Variants in MIEF1 observed in about 807,000 individuals in gnomAD.
The protein encoded by MIEF1 is mitochondrial elongation factor 1.
MIEF1 carries 14 observed loss-of-function variants against 35.1 expected under a neutral mutation model. The observed-to-expected ratio is 0.40, with a 90% confidence interval of 0.26 to 0.62. The LOEUF is 0.62. Among genes scored for constraint, MIEF1 ranks in the 20% least tolerant of loss-of-function variants. The pLI, the probability that MIEF1 is intolerant of heterozygous loss-of-function variation, is 0.43. For synonymous variants in MIEF1, 245 were observed against 254.3 expected (o/e 0.96, Z 0.35); for missense variants, 542 against 615.4 (o/e 0.88, Z 1.26).
intron 2 of MIEF1, among the ~76,000 whole-genome samples, chr22:39,507,395 G>A (rs1235096488): frequency 2.6e-5 from 4 of 151,828 alleles, no homozygotes; most frequent in African/African-American, 7.2e-5. Context: ...ACAGGCGCCT[G>A]CCACCACACC....
intron 1 of MIEF1, chr22:39,502,972 G>A (rs1471043015): frequency 2.6e-5 from 4 of 152,146 alleles, no homozygotes; most frequent in African/African-American, 9.7e-5. Flanking sequence ...TTTTTTTCCA[G>A]CCAAATACTT....
chr22:39,504,426 T>C lies in MIEF1; in HGVS notation c.-116T>C, dbSNP rs1344753149. ...GGGCCTGGTCTTTCTCAACGGCAAA[T>C]TGGGGAGGATCATTTAGGATCCTCC... is the stretch of plus-strand genomic sequence containing the variant. On this transcript the variant is annotated 5_prime_UTR_variant, in exon 2 of 6. Coordinates refer to ENST00000325301, the MANE Select transcript of MIEF1 (RefSeq NM_019008.6). 7.5e-6 allele frequency: 3 copies of C among 398,776 alleles called. No homozygotes were observed. The Admixed American group carries it at 1.3e-4, about 18-fold the overall frequency. 24.7% of individuals were successfully genotyped at this position (398,776 alleles called of 1,614,324 possible). A position where few individuals can be genotyped will look rare whatever the true frequency, so the allele number is the denominator to read the frequency against.
chr22:39,502,710 A>G (rs549003544), intron 1 of MIEF1, among the ~76,000 whole-genome samples: 69 of 152,364 alleles, frequency 4.5e-4, no homozygotes, highest in Non-Finnish European at 1.0e-4. Flanking sequence ...ACGGTTGGTG[A>G]AGTGCAGACT....
At chr22:39,505,996 A>G (rs556619737) in intron 2 of MIEF1, among the ~76,000 whole-genome samples, 24 of 152,314 alleles carry the variant, frequency 1.6e-4, no homozygotes, top group Non-Finnish European at 2.6e-4. Flanking sequence ...GGATTGGCAT[A>G]TCTGCCTTTG....
intron 2 of MIEF1, among the ~76,000 whole-genome samples, chr22:39,505,370 T>A (rs754922398): frequency 5.3e-5 from 8 of 152,316 alleles, no homozygotes; most frequent in Admixed American, 3.3e-4. Flanking sequence ...TTATTTATTT[T>A]TTTTGTAGAG....
chr22:39,501,948 CCCAG>C (rs1265300381), upstream of MIEF1: 1 of 152,442 alleles, frequency 6.6e-6, no homozygotes, highest in Non-Finnish European at 1.5e-5. Context: ...ACCCCAGGGC[CCCAG>C]CCAGAGATCA....
intron 1 of MIEF1, 105 bp from the exon 2 acceptor site, chr22:39,504,098 G>C (rs962902606): frequency 2.5e-6 from 1 of 395,844 alleles, no homozygotes; most frequent in Admixed American, 4.4e-5. Flanking sequence ...GACCTGGAGC[G>C]GGGGGTCTCT....
upstream of MIEF1, chr22:39,500,339 G>C (rs1247555589): frequency 6.6e-6 from 1 of 152,022 alleles, no homozygotes; most frequent in Non-Finnish European, 1.5e-5. Flanking sequence ...GAGAGGCCTT[G>C]TCAGTCTAAG....
In MIEF1 at chr22:39,515,492, G is replaced by T; in HGVS notation, c.*1169G>T. On this transcript the variant is annotated 3_prime_UTR_variant, in exon 6 of 6. Transcript: ENST00000325301. ...CCGGGCACGGCCAGAGGGCAAGTGAGCATGCACGGACCTCTTCCCCCTGTC... is the reference window on the plus strand; with the variant it reads ...CCGGGCACGGCCAGAGGGCAAGTGATCATGCACGGACCTCTTCCCCCTGTC... The T allele has an allele frequency of 1.6e-6, 1 of 633,578 alleles. No homozygotes were observed. Among genetic ancestry groups the T allele is most frequent in the South Asian group, 1.9e-5 (1 of 53,646 alleles). The allele number at this position is 633,578 out of a possible 1,614,324, so 39.2% of individuals were successfully genotyped here. A position where few individuals can be genotyped will look rare whatever the true frequency, so the allele number is the denominator to read the frequency against.
At chr22:39,501,075 G>A (rs920662480), upstream of MIEF1, among the ~76,000 whole-genome samples, 1 of 152,112 alleles carries the variant, frequency 6.6e-6, no homozygotes, top group African/African-American at 2.4e-5. Flanking sequence ...AGATCCCATT[G>A]AAAGGGAAGT....
chr22:39,507,526 T>G (rs1187652904), intron 2 of MIEF1, among the ~76,000 whole-genome samples: 2 of 148,266 alleles, frequency 1.3e-5, no homozygotes, highest in African/African-American at 4.9e-5. Context: ...ATTACAGGCG[T>G]GAGCCACCGT....
chr22:39,507,695 C>T (rs1452843392), intron 2 of MIEF1, among the ~76,000 whole-genome samples: 1 of 151,672 alleles, frequency 6.6e-6, no homozygotes, highest in East Asian at 2.0e-4. Context: ...GAAACCCTGT[C>T]TCTACTGAAA....
In MIEF1 at chr22:39,504,674, A is replaced by G. The variant is rs560887050; in HGVS notation, c.-8+140A>G. Reference sequence around the variant, plus strand: ...TGTGCACCTATAGTCCCAACTCTGCAGGAGGCTGAGGCAGGAGGATGGCTT... The same window carrying G: ...TGTGCACCTATAGTCCCAACTCTGCGGGAGGCTGAGGCAGGAGGATGGCTT... On this transcript the variant is annotated intron_variant, in intron 2 of 5. Transcript: ENST00000325301. 4 of 319,420 alleles carry G rather than the reference A, an allele frequency of 1.3e-5. No homozygotes were observed. The South Asian group carries it at 6.3e-4, about 50-fold the overall frequency. 19.8% of individuals were successfully genotyped at this position (319,420 alleles called of 1,614,324 possible). A position where few individuals can be genotyped will look rare whatever the true frequency, so the allele number is the denominator to read the frequency against.
chr22:39,511,262 T>C (rs368838536), intron 2 of MIEF1, 26 bp from the exon 3 acceptor site: 69 of 1,613,192 alleles, frequency 4.3e-5, no homozygotes, highest in Non-Finnish European at 5.6e-5. Context: ...CCAGTACTTA[T>C]GGCCGTGTTC....
At position 39,511,935 on chromosome 22, in the gene MIEF1, G is replaced by C. The variant is rs1457096054; in HGVS notation, c.231G>C (p.Met77Ile). The stretch of plus-strand genomic sequence containing the variant: ...GGAGCTGGGAAGAACCCAACTGGAT[G>C]GGCTCCCCACGACTGCTGAACAGGG... ...GKRSWEEPNW[M>I]GSPRLLNRDM... Residue 77 changes from methionine to isoleucine, a missense_variant, in exon 4 of 6, where the codon ATG becomes ATC. By Grantham distance (10) the Met-to-Ile change is conservative. Coordinates refer to ENST00000325301, the MANE Select transcript of MIEF1 (RefSeq NM_019008.6). 1 of 1,614,238 alleles carries C rather than the reference G, an allele frequency of 6.2e-7. No individual in the cohort carries two copies. Among genetic ancestry groups the C allele is most frequent in the Admixed American group, 1.7e-5 (1 of 60,036 alleles).
intron 2 of MIEF1, among the ~76,000 whole-genome samples, chr22:39,507,230 A>G (rs879159590): frequency 6.6e-6 from 1 of 152,000 alleles, no homozygotes; most frequent in Admixed American, 6.6e-5. Flanking sequence ...GGGGGTGCCT[A>G]TTGCACTACA....
intron 2 of MIEF1, among the ~76,000 whole-genome samples, chr22:39,507,467 G>T (rs538530008): frequency 3.4e-4 from 51 of 151,852 alleles, no homozygotes; most frequent in East Asian, 3.0e-3. Flanking sequence ...GGATGGTCTC[G>T]ATCTCCTGAC....
At position 39,515,499 on chromosome 22, in the gene MIEF1, C is replaced by G. The variant is rs189470738; in HGVS notation, c.*1176C>G. On this transcript the variant is annotated 3_prime_UTR_variant, in exon 6 of 6. Coordinates refer to ENST00000325301, the MANE Select transcript of MIEF1 (RefSeq NM_019008.6). Reference sequence around the variant, plus strand: ...CGGCCAGAGGGCAAGTGAGCATGCACGGACCTCTTCCCCCTGTCCTGTTTC... The same window carrying G: ...CGGCCAGAGGGCAAGTGAGCATGCAGGGACCTCTTCCCCCTGTCCTGTTTC... 4.8e-6 allele frequency: 3 copies of G among 622,842 alleles called. No homozygotes were observed. Among genetic ancestry groups the G allele is most frequent in the Non-Finnish European group, 5.8e-6 (2 of 344,152 alleles). The allele number at this position is 622,842 out of a possible 1,614,324, so 38.6% of individuals were successfully genotyped here.
At position 39,517,444 on chromosome 22, in the gene MIEF1, T is replaced by A; in HGVS notation, c.*3121T>A. On this transcript the variant is annotated 3_prime_UTR_variant, in exon 6 of 6. Transcript: ENST00000325301. ...CTCCTGGGTCCCGGCCACCTGTCCA[T>A]ATTCCACATTTGCTGACTGTGCTCC... is the stretch of plus-strand genomic sequence containing the variant. 2 of 430,900 alleles carry A rather than the reference T, an allele frequency of 4.6e-6. No homozygotes were observed. The highest frequency in any genetic ancestry group is 1.5e-4 in the East Asian group (2 of 13,244). 26.7% of individuals were successfully genotyped at this position (430,900 alleles called of 1,614,324 possible).
Sources: allele counts gnomAD v4.1 joint callset (sites outside exome capture counted in the v4.1 genomes callset), GRCh38; gene constraint gnomAD v4.1.1; transcripts MANE v1.5; gene names NCBI Gene and HGNC (gene_info 2026-07-23, HGNC 2026-07-21).